CNTNAP2: variants seen among roughly 807,000 people sequenced by gnomAD.
CNTNAP2 encodes contactin associated protein 2.
A neutral mutation model predicts 155.2 loss-of-function variants in CNTNAP2; 98 were observed. The observed-to-expected ratio is 0.63, with a 90% CI of 0.54 to 0.75. The LOEUF is 0.75. Ranked by LOEUF, CNTNAP2 falls within the 30% of genes least tolerant of loss-of-function variation. The pLI is 0.00. For synonymous variants in CNTNAP2, 651 were observed against 631.2 expected, an observed-to-expected ratio of 1.03 and a Z score of -0.47; for missense variants, 1,727 against 1,688.1, an observed-to-expected ratio of 1.02 and a Z score of -0.40.
In CNTNAP2 at chr7:147,347,455, TGC is replaced by T. The variant is rs1484885532; in HGVS notation, c.1498+47166_1498+47167del. Among the ~76,000 whole-genome samples the T allele has an allele frequency of 4.6e-3, 220 of 48,122 alleles. 2 individuals are homozygous for T. Among genetic ancestry groups the T allele is most frequent in the African/African-American group, 0.012 (178 of 14,738 alleles). The allele number at this position is 48,122 out of a possible 152,430, so 31.6% of individuals were successfully genotyped here. On this transcript the variant is annotated intron_variant, in intron 9 of 23. Transcript: ENST00000361727. ...ATATATATATGCATATATATATATA[TGC>T]ATATATATATATATATATGCATATA... is the stretch of plus-strand genomic sequence containing the variant.
chr7:147,810,292 T>C (rs1798159615), intron 13 of CNTNAP2, among the ~76,000 whole-genome samples: 2 of 151,782 alleles, frequency 1.3e-5, no homozygotes, highest in African/African-American at 2.4e-5. Context: ...TGGAAGATCA[T>C]AGGACTCAGA....
intron 8 of CNTNAP2, among the ~76,000 whole-genome samples, chr7:147,217,881 T>A (rs1393836048): frequency 6.6e-6 from 1 of 151,994 alleles, no homozygotes; most frequent in Non-Finnish European, 1.5e-5. Flanking sequence ...AGATTTTATT[T>A]TCTTTCAAGG....
chr7:147,842,560 TTTTTTTTTTTTTTACTTTTTACTTTTC>T (rs1798764372), intron 13 of CNTNAP2, among the ~76,000 whole-genome samples: 1 of 145,478 alleles, frequency 6.9e-6, no homozygotes, highest in Non-Finnish European at 1.5e-5. Flanking sequence ...TGCATTTCTT[TTTTTTTTTTTTTTACTTTTTACTTTTC>T]TTTTTTTTTT....
chr7:147,901,724 T>G (rs1018908821), intron 13 of CNTNAP2, among the ~76,000 whole-genome samples: 1 of 152,160 alleles, frequency 6.6e-6, no homozygotes, highest in Non-Finnish European at 1.5e-5. Context: ...ATGACCTCAT[T>G]TGCCTCCCCC....
intron 3 of CNTNAP2, among the ~76,000 whole-genome samples, chr7:146,938,447 A>G (rs1328703539): frequency 1.3e-5 from 2 of 150,484 alleles, no homozygotes; most frequent in African/African-American, 2.4e-5. Context: ...GTGTGTATAC[A>G]TATGTACACA....
chr7:146,734,022 G>A (rs1231783955), intron 1 of CNTNAP2, among the ~76,000 whole-genome samples: 1 of 152,034 alleles, frequency 6.6e-6, no homozygotes, highest in Non-Finnish European at 1.5e-5. Context: ...TATTTAATGA[G>A]TCAGTTCACA....
chr7:148,228,054 T>C (rs1258980020), intron 19 of CNTNAP2, among the ~76,000 whole-genome samples: 1 of 152,136 alleles, frequency 6.6e-6, no homozygotes, highest in African/African-American at 2.4e-5. Context: ...TTAGCATGTT[T>C]TATTTTGTAA....
intron 8 of CNTNAP2, among the ~76,000 whole-genome samples, chr7:147,159,654 C>T (rs970081286): frequency 3.3e-5 from 5 of 152,086 alleles, no homozygotes; most frequent in African/African-American, 7.2e-5. Context: ...AGAATCACTG[C>T]ATGGTCTACA....
At position 148,415,786 on chromosome 7, in the gene CNTNAP2, A is replaced by AG; in HGVS notation, c.*170_*171insG. The AG allele has an allele frequency of 1.4e-6, 1 of 715,450 alleles. No individual in the cohort carries two copies. Among genetic ancestry groups the AG allele is most frequent in the Non-Finnish European group, 2.3e-6 (1 of 438,174 alleles). The allele number at this position is 715,450 out of a possible 1,614,324, so 44.3% of individuals were successfully genotyped here. On this transcript the variant is annotated 3_prime_UTR_variant, in exon 24 of 24. Coordinates refer to ENST00000361727, the MANE Select transcript of CNTNAP2 (RefSeq NM_014141.6). ...ATATTCTTGAGACTGATCACAAAAA[A>AG]AAAAACCTTTTTAATATTTCTTTAT...
Position 147,060,086 on chromosome 7 carries a change from T to G in CNTNAP2, c.550+16032T>G, listed in dbSNP as rs1394120037. On this transcript the variant is annotated intron_variant, in intron 4 of 23. Coordinates refer to ENST00000361727, the MANE Select transcript of CNTNAP2 (RefSeq NM_014141.6). ...GAAAATGAAGGACAAAATAATTTTT[T>G]GTTTATTCATTCAATCACTAAGTGT... Among the ~76,000 whole-genome samples the G allele has an allele frequency of 5.3e-5, 8 of 152,306 alleles. No individual in the cohort carries two copies. The East Asian group carries it at 1.5e-3, about 29-fold the overall frequency.
intron 21 of CNTNAP2, among the ~76,000 whole-genome samples, chr7:148,294,779 A>G (rs1309449734): frequency 6.6e-6 from 1 of 152,170 alleles, no homozygotes; most frequent in Non-Finnish European, 1.5e-5. Flanking sequence ...TACGAACACT[A>G]ATTTTATACC....
chr7:147,919,584 A>G (rs1235158801), intron 14 of CNTNAP2, among the ~76,000 whole-genome samples: 1 of 150,012 alleles, frequency 6.7e-6, no homozygotes, highest in African/African-American at 2.5e-5. Flanking sequence ...TCAGCCTCCC[A>G]AGTAGCTGGG....
chr7:146,856,561 G>C (rs1459904594), intron 3 of CNTNAP2, among the ~76,000 whole-genome samples: 1 of 152,112 alleles, frequency 6.6e-6, no homozygotes, highest in Non-Finnish European at 1.5e-5. Flanking sequence ...AATTTGTATA[G>C]TCTTAAAGTG....
intron 13 of CNTNAP2, among the ~76,000 whole-genome samples, chr7:147,880,220 A>G (rs1263505200): frequency 1.3e-5 from 2 of 152,314 alleles, no homozygotes; most frequent in Non-Finnish European, 2.9e-5. Flanking sequence ...CCTGAGTCCC[A>G]TACACAGAGA....
intron 3 of CNTNAP2, among the ~76,000 whole-genome samples, chr7:147,009,953 A>G (rs989207816): frequency 1.3e-5 from 2 of 151,714 alleles, no homozygotes; most frequent in African/African-American, 2.4e-5. Flanking sequence ...AGGAGCAACA[A>G]TGCTCCAGTA....
intron 10 of CNTNAP2, among the ~76,000 whole-genome samples, chr7:147,401,202 A>T (rs539425646): frequency 2.6e-5 from 4 of 152,262 alleles, no homozygotes; most frequent in East Asian, 1.9e-4. Flanking sequence ...AAAATATATT[A>T]AAAAATACAT....
intron 8 of CNTNAP2, among the ~76,000 whole-genome samples, chr7:147,254,626 G>T (rs1381938113): frequency 3.3e-5 from 5 of 151,284 alleles, no homozygotes; most frequent in Admixed American, 6.6e-5. Context: ...TCCTAGTTTT[G>T]GTTATATATG....
intron 3 of CNTNAP2, among the ~76,000 whole-genome samples, chr7:146,861,145 C>A (rs953788417): frequency 1.3e-5 from 2 of 152,136 alleles, no homozygotes; most frequent in Admixed American, 1.3e-4. Context: ...ACTGCAACCT[C>A]CGCCTCCCGG....
At position 146,458,320 on chromosome 7, in the gene CNTNAP2, A is replaced by C. The variant is rs146046443; in HGVS notation, c.98-315951A>C. Among the ~76,000 whole-genome samples, 284 of 152,346 alleles carry C rather than the reference A, an allele frequency of 1.9e-3. 1 individual carries two copies. The highest frequency in any genetic ancestry group is 6.0e-3 in the African/African-American group (251 of 41,586). On this transcript the variant is annotated intron_variant, in intron 1 of 23. Coordinates refer to ENST00000361727, the MANE Select transcript of CNTNAP2 (RefSeq NM_014141.6). ...TAAAATAAAAGTTGATGACAAAGAAAAAAAGACTGTGAGATGCATGTTAGA... is the reference window on the plus strand; with the variant it reads ...TAAAATAAAAGTTGATGACAAAGAACAAAAGACTGTGAGATGCATGTTAGA...
Sources: gnomAD v4.1 joint callset for allele counts (sites outside exome capture counted in the v4.1 genomes callset) on GRCh38, gnomAD v4.1.1 for gene constraint, MANE v1.5 for transcripts, NCBI Gene and HGNC (gene_info 2026-07-23, HGNC 2026-07-21) for gene names.